The following ABCB11 variants were observed in gnomAD, a reference collection of about 807,000 sequenced individuals.
ABCB11 encodes the protein ATP binding cassette subfamily B member 11.
ABCB11 carries 95 observed loss-of-function variants against 148.0 expected under a neutral mutation model. That is an observed-to-expected ratio of 0.64 (90% CI 0.54 to 0.76). ABCB11 has a LOEUF of 0.76. Among genes scored for constraint, ABCB11 ranks in the 30% least tolerant of loss-of-function variants. The pLI is 0.00. For missense variants in ABCB11, 1,523 were observed against 1,617.8 expected (o/e 0.94, Z 1.01); for synonymous variants, 591 against 555.4 (o/e 1.06, Z -0.90).
At chr2:168,979,132 T>C (rs1694039827) in intron 11 of ABCB11, among the ~76,000 whole-genome samples, 1 of 152,170 alleles carries the variant, frequency 6.6e-6, no homozygotes, top group Admixed American at 6.5e-5. Flanking sequence ...GACATGGTCT[T>C]GAAGTCCTGC....
rs1036347516 is a variant in ABCB11, at chr2:168,979,409, C to T, written c.1197+457G>A. On this transcript the variant is annotated intron_variant, in intron 11 of 27. Transcript: ENST00000650372. The stretch of plus-strand genomic sequence containing the variant: ...AATTTAAAGACTCTTTCTCCCACCC[C>T]AGTCGCTGTCACATTGCCCTATTTT... 1.5e-4 allele frequency among the ~76,000 whole-genome samples: 23 copies of T among 152,114 alleles called. No homozygotes were observed. In the East Asian group the frequency reaches 1.5e-3, roughly 10 times the overall value.
rs762823112 is a variant in ABCB11, at chr2:168,993,890, C to A, written c.612-8G>T. On this transcript the variant is annotated splice_polypyrimidine_tract_variant and splice_region_variant and intron_variant, in intron 7 of 27. Transcript: ENST00000650372. Reference sequence around the variant, plus strand: ...TTGATTTTATTAATATCACTAGAAACCAGAAAGATTTTGGTCACTAAAACT... The same window carrying A: ...TTGATTTTATTAATATCACTAGAAAACAGAAAGATTTTGGTCACTAAAACT... The A allele has an allele frequency of 6.3e-7, 1 of 1,599,260 alleles. No homozygotes were observed. The highest frequency in any genetic ancestry group is 8.5e-7 in the Non-Finnish European group (1 of 1,173,900).
At chr2:168,936,012 C>G (rs1477606559) in intron 22 of ABCB11, among the ~76,000 whole-genome samples, 2 of 152,206 alleles carry the variant, frequency 1.3e-5, no homozygotes. Flanking sequence ...TGTGTTCACT[C>G]CGCTATTTCT....
In ABCB11 at chr2:169,013,499, A is replaced by G; in HGVS notation, c.162T>C (p.Ser54=). 6.2e-7 allele frequency: 1 copy of G among 1,613,034 alleles called. No homozygotes were observed. The highest frequency in any genetic ancestry group is 1.1e-5 in the South Asian group (1 of 91,044). Residue 54 remains serine, a synonymous_variant, in exon 5 of 28, where the codon TCT becomes TCC. Transcript: ENST00000650372. ...RVGFFQLFRF[S]SSTDIWLMFV... ...ACATCAGCCAAATGTCAGTTGATGA[A>G]GAAAACCGAAACTTGAAAAACAAAG... is the stretch of plus-strand genomic sequence containing the variant.
chr2:168,923,818 A>G lies in ABCB11; in HGVS notation c.3770T>C (p.Val1257Ala), dbSNP rs1467510047. Residue 1257 changes from valine to alanine, a missense_variant, in exon 28 of 28, where the codon GTG (valine) becomes GCG (alanine). Physicochemically the swap from Val to Ala is moderately conservative, Grantham distance 64. Transcript: ENST00000650372. ...SALDTESEKTVQVALDKAREG... is the reference protein window; with the variant it reads ...SALDTESEKTAQVALDKAREG... ...TCTGGCTTTGTCTAGAGCAACCTGC[A>G]CCGTCTGCAAAGAGAAGATGGAAAG... 6.2e-7 allele frequency: 1 copy of G among 1,613,884 alleles called. No individual in the cohort carries two copies. Among genetic ancestry groups the G allele is most frequent in the South Asian group, 1.1e-5 (1 of 91,076 alleles).
intron 3 of ABCB11, among the ~76,000 whole-genome samples, chr2:169,015,727 G>T (rs568554669): frequency 6.6e-6 from 1 of 152,090 alleles, no homozygotes; most frequent in African/African-American, 2.4e-5. Context: ...TTCTCAGAAA[G>T]AAAGTGATAG....
chr2:168,972,134 G>A lies in ABCB11; in HGVS notation c.1435-84C>T. The A allele has an allele frequency of 3.9e-6, 5 of 1,297,390 alleles. No individual in the cohort carries two copies. In the South Asian group the frequency reaches 5.3e-5, roughly 14 times the overall value. The allele number at this position is 1,297,390 out of a possible 1,614,324, so 80.4% of individuals were successfully genotyped here. The stretch of plus-strand genomic sequence containing the variant: ...ATATTATGTCATACTTGACCAATGG[G>A]CAGAAAAAATAGAGGCCAATAAGAT... On this transcript the variant is annotated intron_variant, in intron 13 of 27. Coordinates refer to ENST00000650372, the MANE Select transcript of ABCB11 (RefSeq NM_003742.4).
chr2:169,003,667 A>T (rs7566984), intron 5 of ABCB11, among the ~76,000 whole-genome samples: 3,814 of 152,240 alleles, frequency 0.025, 74 homozygotes, highest in African/African-American at 0.045. Context: ...AAGGAATCAC[A>T]CACTGTTTTC....
chr2:168,928,477 A>G (rs6433096), intron 25 of ABCB11, among the ~76,000 whole-genome samples: 16,113 of 152,218 alleles, frequency 0.11, 929 homozygotes, highest in African/African-American at 0.15. Context: ...AAAAAAAAAC[A>G]TAAAAAGTGG....
intron 9 of ABCB11, 140 bp downstream of exon 9, chr2:168,990,661 T>C: frequency 9.9e-7 from 1 of 1,013,144 alleles, no homozygotes; most frequent in Non-Finnish European, 1.4e-6. Flanking sequence ...TAAATTACTC[T>C]GCTTAGCTCC....
intron 12 of ABCB11, among the ~76,000 whole-genome samples, chr2:168,975,853 G>A (rs1000528742): frequency 6.8e-6 from 1 of 146,692 alleles, no homozygotes; most frequent in Non-Finnish European, 1.5e-5. Flanking sequence ...ATTAAGTTAG[G>A]CTAACAAAAT....
chr2:168,945,438 T>C (rs1197640768), intron 19 of ABCB11, among the ~76,000 whole-genome samples: 1 of 151,952 alleles, frequency 6.6e-6, no homozygotes, highest in Admixed American at 6.6e-5. Flanking sequence ...AATTTTTGTC[T>C]TGTTATTTTG....
chr2:168,971,408 T>G (rs2241342), intron 14 of ABCB11, among the ~76,000 whole-genome samples: 1 of 151,840 alleles, frequency 6.6e-6, no homozygotes, highest in Non-Finnish European at 1.5e-5. Flanking sequence ...AGATATACAA[T>G]GAATTGTTTT....
At chr2:168,979,537 T>G (rs1325328515) in intron 11 of ABCB11, among the ~76,000 whole-genome samples, 4 of 152,004 alleles carry the variant, frequency 2.6e-5, no homozygotes, top group Admixed American at 6.6e-5. Flanking sequence ...AACAGGGGTC[T>G]TACTTGTTCT....
At chr2:168,979,041 T>C (rs531747643) in intron 11 of ABCB11, among the ~76,000 whole-genome samples, 1 of 152,266 alleles carries the variant, frequency 6.6e-6, no homozygotes, top group Non-Finnish European at 1.5e-5. Context: ...TTTGACTCCC[T>C]AGCTTGGCCT....
intron 8 of ABCB11, 120 bp from the exon 9 acceptor site, chr2:168,991,045 A>G (rs993968136): frequency 8.4e-7 from 1 of 1,183,712 alleles, no homozygotes; most frequent in Non-Finnish European, 1.2e-6. Context: ...TCTCACTGTA[A>G]CATCATTGAC....
At chr2:169,026,919 A>T (rs1205783137) in intron 1 of ABCB11, among the ~76,000 whole-genome samples, 1 of 152,194 alleles carries the variant, frequency 6.6e-6, no homozygotes, top group Non-Finnish European at 1.5e-5. Flanking sequence ...ACTGATTACA[A>T]GTAGATATAA....
intron 5 of ABCB11, among the ~76,000 whole-genome samples, chr2:169,007,628 T>C (rs375920833): frequency 6.6e-6 from 1 of 152,178 alleles, no homozygotes; most frequent in South Asian, 2.1e-4. Flanking sequence ...AATAGTTTCT[T>C]AGATATGACA....
chr2:168,976,788 A>C, intron 11 of ABCB11, 101 bp from the exon 12 acceptor site: 2 of 696,282 alleles, frequency 2.9e-6, no homozygotes, highest in South Asian at 3.6e-5. Flanking sequence ...GTATCTCTGC[A>C]ATGTTTTATC....
Sources: allele counts gnomAD v4.1 joint callset (sites outside exome capture counted in the v4.1 genomes callset), GRCh38; gene constraint gnomAD v4.1.1; transcripts MANE v1.5; gene names NCBI Gene and HGNC (gene_info 2026-07-23, HGNC 2026-07-21).